Variants in DNAH1 observed in about 807,000 individuals in gnomAD.
The protein encoded by DNAH1 is dynein axonemal heavy chain 1.
In DNAH1, 327 loss-of-function variants were observed where a neutral mutation model predicts 484.3. The observed-to-expected ratio is 0.68, with a 90% CI of 0.62 to 0.74. DNAH1 has a LOEUF of 0.74. Ranked by LOEUF, DNAH1 falls within the 30% of genes least tolerant of loss-of-function variation. The pLI, the probability that DNAH1 is intolerant of heterozygous loss-of-function variation, is 0.00. For synonymous variants in DNAH1, 2,192 were observed against 2,191.9 expected, an observed-to-expected ratio of 1.00 and a Z score of 0.00; for missense variants, 5,052 against 5,546.8, an observed-to-expected ratio of 0.91 and a Z score of 2.83.
chr3:52,345,616 G>C lies in DNAH1; in HGVS notation c.1566G>C (p.Lys522Asn), dbSNP rs370783496. 8.1e-6 allele frequency: 13 copies of C among 1,608,796 alleles called. No individual in the cohort carries two copies. The highest frequency in any genetic ancestry group is 1.1e-5 in the Non-Finnish European group (13 of 1,177,550). ...ALSKVRAECN[K>N]VTAMSLFHSS... ...GCAAGGTGAGGGCCGAGTGCAACAA[G>C]GTGACCGCCATGTCCCTGTTCCACT... The change falls in exon 10 of 78, where the codon AAG becomes AAC. Residue 522 changes from lysine to asparagine, a missense_variant. Physicochemically the swap from Lys to Asn is moderately conservative, Grantham distance 94 (BLOSUM62 0). Transcript: ENST00000420323.
At chr3:52,373,571 A>C in intron 44 of DNAH1, 1 of 1,482,918 alleles carries the variant, frequency 6.7e-7, no homozygotes, top group Non-Finnish European at 9.4e-7. Context: ...CTCAGCCCAT[A>C]GTGAAGAAAG....
chr3:52,349,869 A>G (rs1702299013), intron 14 of DNAH1, 120 bp from the exon 15 acceptor site: 2 of 1,398,652 alleles, frequency 1.4e-6, no homozygotes, highest in Non-Finnish European at 1.9e-6. Context: ...GCGCCGCAGG[A>G]TGTTGTGGTG....
At chr3:52,332,475 G>A in intron 8 of DNAH1, 81 bp downstream of exon 8, 1 of 1,553,616 alleles carries the variant, frequency 6.4e-7, no homozygotes, top group Non-Finnish European at 8.7e-7. Context: ...TGCTACTCCA[G>A]GGTGGAGCTC....
intron 8 of DNAH1, among the ~76,000 whole-genome samples, chr3:52,338,607 T>C (rs1701818835): frequency 6.6e-6 from 1 of 152,220 alleles, no homozygotes; most frequent in Non-Finnish European, 1.5e-5. Flanking sequence ...TTCCTTGAGT[T>C]CTCACACGTT....
At position 52,395,607 on chromosome 3, in the gene DNAH1, C is replaced by G; in HGVS notation, c.11188C>G (p.Gln3730Glu). Residue 3730 changes from glutamine to glutamate, a missense_variant, in exon 70 of 78, where the codon CAG (glutamine) becomes GAG (glutamate). Gln to Glu is a conservative substitution (Grantham distance 29, BLOSUM62 2). Around this residue, in one of 4 missense-constraint regions of DNAH1, gnomAD observed 853 missense variants for 899.0 expected, o/e 0.95. Transcript: ENST00000420323. The surrounding 1 kb of genome is among the most constrained non-coding windows in gnomAD (Gnocchi z 4.4). ...SIERGKWVFF[Q>E]NCHLAPSWMP... ...AGAGAGGGGCAAATGGGTCTTCTTCCAGAACTGCCACCTGGCACCAAGCTG... is the reference window on the plus strand; with the variant it reads ...AGAGAGGGGCAAATGGGTCTTCTTCGAGAACTGCCACCTGGCACCAAGCTG... 1.9e-6 allele frequency: 3 copies of G among 1,613,888 alleles called. No individual in the cohort carries two copies. Among genetic ancestry groups the G allele is most frequent in the Admixed American group, 1.7e-5 (1 of 60,032 alleles).
Position 52,394,986 on chromosome 3 carries a change from G to C in DNAH1, c.10895G>C (p.Arg3632Pro), listed in dbSNP as rs562263699. 4.3e-6 allele frequency: 7 copies of C among 1,612,726 alleles called. No individual in the cohort carries two copies. The highest frequency in any genetic ancestry group is 5.1e-6 in the Non-Finnish European group (6 of 1,179,384). Residue 3632 changes from arginine to proline, a missense_variant, in exon 68 of 78, where the codon CGT becomes CCT. Arg to Pro is a moderately radical substitution (Grantham distance 103). Around this residue, in one of 4 missense-constraint regions of DNAH1, gnomAD observed 853 missense variants for 899.0 expected, o/e 0.95. Transcript: ENST00000420323. ...AAGCTGCTAGTCCTCCGCTGCCTGC[G>C]TGGGGACAAGGTTACCAACGCCATG... ...FQKLLVLRCL[R>P]GDKVTNAMQD...
Position 52,372,220 on chromosome 3 carries a change from C to T in DNAH1, c.6667-7C>T. On this transcript the variant is annotated splice_polypyrimidine_tract_variant and splice_region_variant and intron_variant, in intron 42 of 77. Coordinates refer to ENST00000420323, the MANE Select transcript of DNAH1 (RefSeq NM_015512.5). ...CGCATGCTCCTGTGCCATCCCCGCTCTGCCAGGTGCTGTGCATTGGGCCAA... is the reference window on the plus strand; with the variant it reads ...CGCATGCTCCTGTGCCATCCCCGCTTTGCCAGGTGCTGTGCATTGGGCCAA... 1 of 1,613,722 alleles carries T rather than the reference C, an allele frequency of 6.2e-7. No individual in the cohort carries two copies. Among genetic ancestry groups the T allele is most frequent in the Admixed American group, 1.7e-5 (1 of 60,000 alleles).
rs764334975 is a variant in DNAH1 at position 52,350,565 on chromosome 3, C to T, written c.2704C>T (p.Leu902Phe). Residue 902 changes from leucine to phenylalanine, a missense_variant, in exon 16 of 78, where the codon CTC (leucine) becomes TTC (phenylalanine). By Grantham distance (22) the Leu-to-Phe change is conservative. This residue lies in a region of DNAH1 where 1,263 missense variants were observed against 1,218.8 expected (regional missense o/e 1.04). Coordinates refer to ENST00000420323, the MANE Select transcript of DNAH1 (RefSeq NM_015512.5). ...YQVMDEFLYN[L>F]SSDDFNDKWI... ...GGTCATGGATGAATTCCTCTACAAC[C>T]TCAGCTCAGATGACTTCAATGACAA... 1 of 1,613,886 alleles carries T rather than the reference C, an allele frequency of 6.2e-7. No homozygotes were observed. The highest frequency in any genetic ancestry group is 2.2e-5 in the East Asian group (1 of 44,890).
chr3:52,365,317 C>G (rs1703029331), intron 34 of DNAH1, among the ~76,000 whole-genome samples: 1 of 152,202 alleles, frequency 6.6e-6, no homozygotes, highest in African/African-American at 2.4e-5. Flanking sequence ...GGGCCTGGCC[C>G]TCACTGGGAT....
Position 52,357,898 on chromosome 3 carries a change from A to T in DNAH1, c.3981A>T (p.Arg1327Ser), listed in dbSNP as rs1235513147. 5 of 1,612,302 alleles carry T rather than the reference A, an allele frequency of 3.1e-6. No homozygotes were observed. Among genetic ancestry groups the T allele is most frequent in the Non-Finnish European group, 4.2e-6 (5 of 1,179,306 alleles). Residue 1327 changes from arginine (R) to serine (S), a missense_variant and splice_region_variant, in exon 24 of 78, where the codon AGA becomes AGT. This residue lies in a region of DNAH1 where 2,929 missense variants were observed against 3,409.4 expected (regional missense o/e 0.86). Transcript: ENST00000420323. ...TTCCTCACCCCTGTTCCCCTGGCAG[A>T]TTCTACTTCCTGTCAGATGATGAAC... ...YLETKRSAFP[R>S]FYFLSDDELL...
At chr3:52,330,101 C>T (rs907275553) in intron 6 of DNAH1, among the ~76,000 whole-genome samples, 1 of 152,160 alleles carries the variant, frequency 6.6e-6, no homozygotes, top group Non-Finnish European at 1.5e-5. Flanking sequence ...TGAGCCACCG[C>T]GCCTGGCCTC....
chr3:52,381,378 G>A lies in DNAH1; in HGVS notation c.7609-262G>A, dbSNP rs922905412. ...TCCTCCCGCCTTGGCTTCCCACAGT[G>A]CTGGGATTACAGGCGTGAGCCACCG... On this transcript the variant is annotated intron_variant, in intron 48 of 77. Transcript: ENST00000420323. The surrounding 1 kb of genome is among the most constrained non-coding windows in gnomAD (Gnocchi z 4.1). Among the ~76,000 whole-genome samples, 2 of 152,200 alleles carry A rather than the reference G, an allele frequency of 1.3e-5. No individual in the cohort carries two copies. Among genetic ancestry groups the A allele is most frequent in the South Asian group, 4.1e-4 (2 of 4,830 alleles).
intron 10 of DNAH1, 46 bp from the exon 11 acceptor site, chr3:52,346,426 G>C: frequency 3.2e-6 from 5 of 1,553,052 alleles, no homozygotes; most frequent in Non-Finnish European, 4.4e-6. Context: ...GCTATAGGTC[G>C]TGGGTCCCCA....
intron 1 of DNAH1, 108 bp from the exon 2 acceptor site, chr3:52,322,301 T>C: frequency 1.4e-6 from 1 of 698,664 alleles, no homozygotes; most frequent in Non-Finnish European, 2.4e-6. Context: ...CTGTTACCCA[T>C]GGGTCATGGG....
chr3:52,372,760 C>G (rs145375665), intron 43 of DNAH1, 136 bp from the exon 44 acceptor site: 1 of 1,192,174 alleles, frequency 8.4e-7, no homozygotes, highest in African/African-American at 1.5e-5. Flanking sequence ...GAGGGTGGGT[C>G]AAGGCATCTA....
Position 52,379,223 on chromosome 3 carries a change from G to A in DNAH1, c.7377+443G>A, listed in dbSNP as rs773896984. 1.3e-5 allele frequency among the ~76,000 whole-genome samples: 2 copies of A among 152,136 alleles called. No homozygotes were observed. Among genetic ancestry groups the A allele is most frequent in the Non-Finnish European group, 2.9e-5 (2 of 68,012 alleles). The stretch of plus-strand genomic sequence containing the variant: ...TGGAGCTTAAATTTGTTCTGAGGGT[G>A]TAATGAGCCGTGTGGGTGGGCGGGG... On this transcript the variant is annotated intron_variant, in intron 47 of 77. Coordinates refer to ENST00000420323, the MANE Select transcript of DNAH1 (RefSeq NM_015512.5). This position sits in a 1 kb window ranked among gnomAD's most constrained non-coding sequence, Gnocchi z 4.4.
At position 52,370,790 on chromosome 3, in the gene DNAH1, A is replaced by C. The variant is rs1318190734; in HGVS notation, c.6490A>C (p.Asn2164His). ...RLEDAGISGT[N>H]DSEDEEEEYK... ...GGAGGACGCGGGCATCAGTGGCACC[A>C]ACGACAGTGAGGATGAAGAGGAGGA... The change falls in exon 41 of 78, where the codon AAC becomes CAC. Residue 2164 changes from asparagine (N) to histidine (H), a missense_variant. Asn to His is a moderately conservative substitution (Grantham distance 68). Transcript: ENST00000420323. 6.2e-7 allele frequency: 1 copy of C among 1,606,426 alleles called. No individual in the cohort carries two copies. The highest frequency in any genetic ancestry group is 1.7e-5 in the Admixed American group (1 of 58,880).
chr3:52,363,015 C>T lies in DNAH1; in HGVS notation c.5115C>T (p.Ala1705=), dbSNP rs1405880116. ...CCCAGGCGCTCTTCCGACCCGTGGC[C>T]ATGATGGTTCCAGATTACGCCATGA... ...DNLKALFRPV[A]MMVPDYAMIT... Residue 1705 remains alanine (A), a synonymous_variant, in exon 32 of 78, where the codon GCC becomes GCT. Transcript: ENST00000420323. 1.2e-6 allele frequency: 2 copies of T among 1,613,886 alleles called. No individual in the cohort carries two copies. Among genetic ancestry groups the T allele is most frequent in the African/African-American group, 2.7e-5 (2 of 74,924 alleles).
In DNAH1 at chr3:52,364,612, C is replaced by T. The variant is rs1702991914; in HGVS notation, c.5245-26C>T. On this transcript the variant is annotated intron_variant, in intron 32 of 77. Transcript: ENST00000420323. This position sits in a 1 kb window ranked among gnomAD's most constrained non-coding sequence, Gnocchi z 4.2. ...AGCCTTGGAGAGGGACAGTGCTCAC[C>T]CATGCCTCCTTCTGTATGGCGACAG... 4 of 1,612,978 alleles carry T rather than the reference C, an allele frequency of 2.5e-6. No homozygotes were observed. The highest frequency in any genetic ancestry group is 3.4e-6 in the Non-Finnish European group (4 of 1,179,198).
Sources: gnomAD v4.1 joint callset for allele counts (sites outside exome capture counted in the v4.1 genomes callset) on GRCh38, gnomAD v4.1.1 for gene constraint, gnomAD v4.1.1 regional missense constraint, Gnocchi (gnomAD v3.1) non-coding constraint, MANE v1.5 for transcripts, NCBI Gene and HGNC (gene_info 2026-07-23, HGNC 2026-07-21) for gene names.